LTA4H: variants seen among roughly 807,000 people sequenced by gnomAD.
LTA4H encodes leukotriene A-4 hydrolase.
Under a neutral mutation model 89.8 loss-of-function variants are expected in LTA4H, and 59 were observed. The observed-to-expected ratio is 0.66, with a 90% CI of 0.53 to 0.82. The LOEUF is 0.82. LTA4H is among the 40% of genes least tolerant of loss of function. The pLI is 0.00. For synonymous variants in LTA4H, 227 were observed against 253.1 expected (o/e 0.90, Z 0.98); for missense variants, 617 against 727.0 (o/e 0.85, Z 1.74).
intron 16 of LTA4H, among the ~76,000 whole-genome samples, chr12:96,005,626 T>C (rs1378238179): frequency 6.6e-6 from 1 of 152,124 alleles, no homozygotes; most frequent in Non-Finnish European, 1.5e-5. Context: ...CTGCTAGCCC[T>C]GGGGGTGCAA....
intron 10 of LTA4H, among the ~76,000 whole-genome samples, chr12:96,016,618 T>A (rs1258778784): frequency 2.1e-5 from 3 of 145,854 alleles, no homozygotes; most frequent in South Asian, 2.2e-4. Context: ...AAAAAAAAAA[T>A]AGCTGGGCAT....
chr12:96,028,918 CAGA>C (rs946066128), intron 2 of LTA4H, 134 bp downstream of exon 2: 32 of 594,526 alleles, frequency 5.4e-5, no homozygotes, highest in African/African-American at 1.4e-4. Flanking sequence ...TTAATCTGAA[CAGA>C]AGATCAGGAT....
chr12:96,040,213 G>A (rs1376992559), upstream of LTA4H, among the ~76,000 whole-genome samples: 7 of 152,198 alleles, frequency 4.6e-5, no homozygotes, highest in South Asian at 2.1e-4. Flanking sequence ...AAGTAGAGAT[G>A]TGTTTGGGAA....
chr12:96,018,117 G>A (rs995374758), intron 8 of LTA4H, among the ~76,000 whole-genome samples: 1 of 151,986 alleles, frequency 6.6e-6, no homozygotes. Context: ...TACACACCAA[G>A]TGTAATTGGT....
At chr12:96,035,748 C>T (rs537591969), upstream of LTA4H, 22 of 1,132,502 alleles carry the variant, frequency 1.9e-5, no homozygotes, top group East Asian at 1.9e-4. Context: ...TACCTGGGAG[C>T]GTGTGTGTTA....
At position 96,035,391 on chromosome 12, in the gene LTA4H, G is replaced by C; in HGVS notation, c.129C>G (p.Val43=). 1 of 1,611,680 alleles carries C rather than the reference G, an allele frequency of 6.2e-7. No homozygotes were observed. The change falls in exon 1 of 19, where the codon GTC becomes GTG. Residue 43 remains valine, a synonymous_variant. Transcript: ENST00000228740. ...TGCGCAGATTGTCCTCCTGAGACTG[G>C]ACCGTGAGAGCAGCAGTCCCGGTCA... ...RTLTGTAALT[V]QSQEDNLRSL...
At position 96,027,547 on chromosome 12, in the gene LTA4H, A is replaced by G. The variant is rs775215639; in HGVS notation, c.308T>C (p.Ile103Thr). The change falls in exon 3 of 19, where the codon ATA becomes ACA. Residue 103 changes from isoleucine (I) to threonine (T), a missense_variant. Coordinates refer to ENST00000228740, the MANE Select transcript of LTA4H (RefSeq NM_000895.3). The stretch of plus-strand genomic sequence containing the variant: ...TGGAGAGGTCTCAAAAGAAATTTCT[A>G]TAACAATTTCTTGATTTCTGTATGA... ...IALSKNQEIV[I>T]EISFETSPKS... The G allele has an allele frequency of 8.2e-6, 13 of 1,587,800 alleles. No individual in the cohort carries two copies. The highest frequency in any genetic ancestry group is 6.7e-5 in the East Asian group (3 of 44,698).
intron 1 of LTA4H, among the ~76,000 whole-genome samples, chr12:96,029,423 A>T (rs191051348): frequency 8.7e-4 from 132 of 152,296 alleles, no homozygotes; most frequent in African/African-American, 3.1e-3. Flanking sequence ...ACAGTCACAC[A>T]AATTTTGGGC....
At position 96,027,450 on chromosome 12, in the gene LTA4H, C is replaced by T; in HGVS notation, c.405G>A (p.Gln135=). ...SGKEHPYLFS[Q]CQAIHCRAIL... ...ATTCTGGAATCCTTTTTACCTGGCA[C>T]TGACTAAAGAGATATGGGTGTTCCT... The change falls in exon 3 of 19, where the codon CAG becomes CAA. Residue 135 remains glutamine, a synonymous_variant. Coordinates refer to ENST00000228740, the MANE Select transcript of LTA4H (RefSeq NM_000895.3). The T allele has an allele frequency of 1.3e-6, 2 of 1,594,202 alleles. No homozygotes were observed. The highest frequency in any genetic ancestry group is 1.7e-6 in the Non-Finnish European group (2 of 1,173,282).
At chr12:96,019,307 A>G in intron 6 of LTA4H, 67 bp from the exon 7 acceptor site, 1 of 1,359,300 alleles carries the variant, frequency 7.4e-7, no homozygotes, top group Admixed American at 1.9e-5. Context: ...TCTAAAAAGT[A>G]GTTAATGTCT....
Position 96,000,980 on chromosome 12 carries a change from C to A in LTA4H, c.*9G>T, listed in dbSNP as rs141559746. On this transcript the variant is annotated 3_prime_UTR_variant, in exon 19 of 19. Coordinates refer to ENST00000228740, the MANE Select transcript of LTA4H (RefSeq NM_000895.3). ...AGAGAAATCTCTAAAATCATCAATA[C>A]GCAGGTCTTTAATCCACTTTTAAGT... 7 of 1,536,612 alleles carry A rather than the reference C, an allele frequency of 4.6e-6. No individual in the cohort carries two copies. Among genetic ancestry groups the A allele is most frequent in the Non-Finnish European group, 1.8e-6 (2 of 1,109,608 alleles).
At position 96,002,889 on chromosome 12, in the gene LTA4H, C is replaced by A. The variant is rs545593310; in HGVS notation, c.1718+71G>T. The A allele has an allele frequency of 6.0e-6, 6 of 1,004,166 alleles. No individual in the cohort carries two copies. The South Asian group carries it at 8.8e-5, about 15-fold the overall frequency. 62.2% of individuals were successfully genotyped at this position (1,004,166 alleles called of 1,614,324 possible). On this transcript the variant is annotated intron_variant, in intron 18 of 18. Coordinates refer to ENST00000228740, the MANE Select transcript of LTA4H (RefSeq NM_000895.3). ...TTAAAAAATATTGTCATATAGATTACGTTTAAATATTTGACAGTTTTCTTC... is the reference window on the plus strand; with the variant it reads ...TTAAAAAATATTGTCATATAGATTAAGTTTAAATATTTGACAGTTTTCTTC...
upstream of LTA4H, among the ~76,000 whole-genome samples, chr12:96,038,565 G>T (rs1353962693): frequency 5.3e-5 from 8 of 151,712 alleles, no homozygotes; most frequent in Admixed American, 4.6e-4. Flanking sequence ...TTTTTTTAGA[G>T]ATGGGGTTTT....
At chr12:96,043,175 A>G in intron 1 of LTA4H, 2 of 713,272 alleles carry the variant, frequency 2.8e-6, no homozygotes, top group Middle Eastern at 2.4e-4. Flanking sequence ...CGCAACCTGC[A>G]GTAGTTGGCA....
At chr12:96,003,974 G>T in intron 16 of LTA4H, 54 bp from the exon 17 acceptor site, 1 of 1,068,042 alleles carries the variant, frequency 9.4e-7, no homozygotes, top group Non-Finnish European at 1.4e-6. Flanking sequence ...TTCCTTGGAA[G>T]AAAGGAGCTG....
chr12:96,036,117 A>G (rs1950644472), upstream of LTA4H, among the ~76,000 whole-genome samples: 1 of 151,938 alleles, frequency 6.6e-6, no homozygotes, highest in Non-Finnish European at 1.5e-5. Context: ...TTTTGTTTTT[A>G]GCTGTAAGTA....
chr12:96,017,665 C>A, intron 8 of LTA4H, 85 bp from the exon 9 acceptor site: 1 of 906,394 alleles, frequency 1.1e-6, no homozygotes, highest in South Asian at 1.4e-5. Flanking sequence ...ACTTAGCATA[C>A]TGGCACTGGT....
intron 1 of LTA4H, among the ~76,000 whole-genome samples, chr12:96,032,319 C>T (rs1023678217): frequency 2.6e-5 from 4 of 152,240 alleles, no homozygotes; most frequent in East Asian, 1.9e-4. Flanking sequence ...GAAGACATGA[C>T]GTCTCTCCTG....
exon 1 of LTA4H, chr12:96,043,490 C>T (rs1224804543): frequency 1.5e-6 from 1 of 666,800 alleles, no homozygotes; most frequent in African/African-American, 1.8e-5. Context: ...GCCTGTAGTC[C>T]CAGCTACTCG....
Sources: gnomAD v4.1 joint callset for allele counts (sites outside exome capture counted in the v4.1 genomes callset) on GRCh38, gnomAD v4.1.1 for gene constraint, MANE v1.5 for transcripts, NCBI Gene and HGNC (gene_info 2026-07-23, HGNC 2026-07-21) for gene names.